Variants in RBFOX1 observed in about 807,000 individuals in gnomAD.
RBFOX1 encodes RNA binding fox-1 homolog 1.
In RBFOX1, 8 loss-of-function variants were observed where a neutral mutation model predicts 57.7. The observed-to-expected ratio is 0.14, with a 90% CI of 0.08 to 0.25. RBFOX1 has a LOEUF of 0.25. RBFOX1 is among the 10% of genes least tolerant of loss of function. The pLI is 1.00. For synonymous variants in RBFOX1, 326 were observed against 222.4 expected (o/e 1.47, Z -4.15); for missense variants, 611 against 548.5 (o/e 1.11, Z -1.14).
chr16:6,849,523 G>A (rs879500731), intron 3 of RBFOX1, among the ~76,000 whole-genome samples: 6 of 152,072 alleles, frequency 3.9e-5, no homozygotes, highest in African/African-American at 9.7e-5. Context: ...ACAAAAATTA[G>A]CTGGGTATGG....
intron 1 of RBFOX1, among the ~76,000 whole-genome samples, chr16:6,062,949 C>A (rs1232941601): frequency 6.6e-6 from 1 of 152,106 alleles, no homozygotes; most frequent in Non-Finnish European, 1.5e-5. Flanking sequence ...AGGCACAATT[C>A]CTTCTCCAGA....
chr16:6,189,489 G>A (rs950510114), intron 1 of RBFOX1, among the ~76,000 whole-genome samples: 1 of 152,206 alleles, frequency 6.6e-6, no homozygotes, highest in African/African-American at 2.4e-5. Flanking sequence ...CTTTCAGAAG[G>A]GTTAAATGCA....
chr16:5,548,988 A>C (rs571924382), intron 2 of RBFOX1, among the ~76,000 whole-genome samples: 8 of 152,190 alleles, frequency 5.3e-5, no homozygotes, highest in Admixed American at 2.0e-4. Context: ...AGATAAGGTG[A>C]TTTTATTGGA....
intron 4 of RBFOX1, among the ~76,000 whole-genome samples, chr16:7,512,854 A>T (rs1443318468): frequency 6.6e-6 from 1 of 152,234 alleles, no homozygotes; most frequent in Non-Finnish European, 1.5e-5. Context: ...GGCCATTGGA[A>T]TTGCTGGCAT....
chr16:7,709,736 G>A (rs1345844671), intron 15 of RBFOX1: 1 of 603,438 alleles, frequency 1.7e-6, no homozygotes, highest in Non-Finnish European at 2.0e-6. Flanking sequence ...GCAGGTCTGG[G>A]TTTTTGTTTT....
At chr16:5,714,713 T>C (rs1031196150) in intron 3 of RBFOX1, among the ~76,000 whole-genome samples, 19 of 152,318 alleles carry the variant, frequency 1.2e-4, no homozygotes, top group African/African-American at 4.6e-4. Context: ...ACAAAAGCCA[T>C]AATAATAGGA....
chr16:6,255,537 A>C (rs965193096), intron 1 of RBFOX1, among the ~76,000 whole-genome samples: 12 of 152,154 alleles, frequency 7.9e-5, no homozygotes, highest in African/African-American at 2.7e-4. Context: ...TCCTCATACA[A>C]ATGGATACAG....
intron 4 of RBFOX1, among the ~76,000 whole-genome samples, chr16:5,911,857 C>T (rs2058609758): frequency 6.6e-6 from 1 of 152,128 alleles, no homozygotes; most frequent in African/African-American, 2.4e-5. Flanking sequence ...GCCCCACCCC[C>T]ATGGCCTCAT....
intron 4 of RBFOX1, among the ~76,000 whole-genome samples, chr16:7,380,881 C>G (rs951277419): frequency 1.3e-5 from 2 of 152,152 alleles, no homozygotes; most frequent in African/African-American, 4.8e-5. Flanking sequence ...TAGTGTTTTT[C>G]AAGAATCGCA....
At chr16:6,470,637 C>T (rs939690388) in intron 2 of RBFOX1, among the ~76,000 whole-genome samples, 2 of 152,162 alleles carry the variant, frequency 1.3e-5, no homozygotes, top group African/African-American at 4.8e-5. Context: ...TAGCCCCTAC[C>T]CAACTTGATG....
chr16:5,620,444 C>T (rs962447273), intron 3 of RBFOX1, among the ~76,000 whole-genome samples: 1 of 152,182 alleles, frequency 6.6e-6, no homozygotes, highest in Non-Finnish European at 1.5e-5. Flanking sequence ...ACAGATCACC[C>T]AGACTGATCG....
chr16:7,110,102 C>T (rs1212861768), intron 4 of RBFOX1, among the ~76,000 whole-genome samples: 1 of 151,022 alleles, frequency 6.6e-6, no homozygotes, highest in South Asian at 2.1e-4. Context: ...GTATTCCCAG[C>T]ACATTGGGAG....
chr16:6,779,751 AC>A (rs1280337707), intron 3 of RBFOX1, among the ~76,000 whole-genome samples: 386 of 24,618 alleles, frequency 0.016, 95 homozygotes, highest in African/African-American at 0.045. Context: ...TTTTATATAT[AC>A]TTTTATATAT....
At chr16:7,361,897 T>C (rs996445386) in intron 4 of RBFOX1, among the ~76,000 whole-genome samples, 3 of 151,622 alleles carry the variant, frequency 2.0e-5, no homozygotes, top group African/African-American at 7.3e-5. Flanking sequence ...TTAGTATGTG[T>C]ATTTTTTTGT....
chr16:7,419,881 G>A (rs1176364937), intron 4 of RBFOX1, among the ~76,000 whole-genome samples: 1 of 147,442 alleles, frequency 6.8e-6, no homozygotes, highest in African/African-American at 2.5e-5. Flanking sequence ...CTGTATTTTA[G>A]CAACCTGCAT....
At chr16:5,278,464 C>T (rs192894285) in intron 1 of RBFOX1, among the ~76,000 whole-genome samples, 25 of 152,274 alleles carry the variant, frequency 1.6e-4, no homozygotes, top group African/African-American at 5.5e-4. Flanking sequence ...TTGCCTAGGT[C>T]GTCTTCCAGC....
chr16:7,117,375 A>G (rs140431540), intron 4 of RBFOX1, among the ~76,000 whole-genome samples: 130 of 152,304 alleles, frequency 8.5e-4, no homozygotes, highest in African/African-American at 2.8e-3. Context: ...TCTGTAAAGT[A>G]TGTGGATGTG....
chr16:6,984,785 T>C (rs1297524533), intron 3 of RBFOX1, among the ~76,000 whole-genome samples: 1 of 151,934 alleles, frequency 6.6e-6, no homozygotes, highest in Non-Finnish European at 1.5e-5. Flanking sequence ...AGATTAGAGG[T>C]GCATGCCACC....
Position 5,573,707 on chromosome 16 carries a change from A to G in RBFOX1, c.259-25195A>G, listed in dbSNP as rs559720849. 3.4e-3 allele frequency among the ~76,000 whole-genome samples: 512 copies of G among 152,180 alleles called. 4 individuals are homozygous for G. The highest frequency in any genetic ancestry group is 2.6e-3 in the Non-Finnish European group (175 of 67,986). ...CTGGACGCAGTGGCTCACACCTATA[A>G]CTGCAACACTTTGGGAGGCCGAGGT... On this transcript the variant is annotated intron_variant, in intron 2 of 2. Coordinates refer to the RBFOX1 transcript ENST00000585867.
Sources: gnomAD v4.1 joint callset for allele counts (sites outside exome capture counted in the v4.1 genomes callset) on GRCh38, gnomAD v4.1.1 for gene constraint, MANE v1.5 for transcripts, NCBI Gene and HGNC (gene_info 2026-07-23, HGNC 2026-07-21) for gene names.